Variants in PAPSS1 observed in about 807,000 individuals in gnomAD.
The protein encoded by PAPSS1 is 3'-phosphoadenosine 5'-phosphosulfate synthase 1.
In PAPSS1, 50 loss-of-function variants were observed where a neutral mutation model predicts 72.0. That is an observed-to-expected ratio of 0.69 (90% confidence interval 0.55 to 0.88). The LOEUF is 0.88. Among genes scored for constraint, PAPSS1 ranks in the 40% least tolerant of loss-of-function variants. PAPSS1 has a pLI of 0.00. For missense variants in PAPSS1, 657 were observed against 782.2 expected (o/e 0.84, Z 1.91); for synonymous variants, 261 against 263.6 (o/e 0.99, Z 0.09).
intron 11 of PAPSS1, 108 bp downstream of exon 11, chr4:107,631,523 A>G (rs2110302277): frequency 1.4e-6 from 1 of 704,404 alleles, no homozygotes; most frequent in South Asian, 2.1e-5. Context: ...CTCTGACATG[A>G]GTACCACAAA....
chr4:107,676,197 G>A (rs1727639537), intron 5 of PAPSS1, among the ~76,000 whole-genome samples: 1 of 152,134 alleles, frequency 6.6e-6, no homozygotes, highest in Admixed American at 6.5e-5. Context: ...AATCAGGCAG[G>A]AGAAGGAAAT....
chr4:107,677,817 A>G (rs536262554), intron 5 of PAPSS1, among the ~76,000 whole-genome samples: 2 of 152,382 alleles, frequency 1.3e-5, no homozygotes, highest in African/African-American at 4.8e-5. Flanking sequence ...CTGGATTAAG[A>G]AAATGTGGCA....
chr4:107,689,772 C>G (rs763543225), intron 3 of PAPSS1, among the ~76,000 whole-genome samples: 6 of 152,150 alleles, frequency 3.9e-5, no homozygotes, highest in Non-Finnish European at 8.8e-5. Flanking sequence ...AAACCAATTT[C>G]CTAGATGGCC....
chr4:107,643,791 C>G (rs907830369), intron 10 of PAPSS1, among the ~76,000 whole-genome samples: 10 of 152,078 alleles, frequency 6.6e-5, no homozygotes, highest in Non-Finnish European at 1.5e-4. Flanking sequence ...TTACTTGCAT[C>G]TATGAAAGAT....
At chr4:107,646,628 CCA>C (rs57424076) in intron 9 of PAPSS1, among the ~76,000 whole-genome samples, 34,031 of 151,932 alleles carry the variant, frequency 0.22, 3,836 homozygotes, top group East Asian at 0.37. Flanking sequence ...ATCTGACAGA[CCA>C]CAGTCTACAC....
At chr4:107,692,752 T>C (rs1458686380) in intron 3 of PAPSS1, among the ~76,000 whole-genome samples, 1 of 151,298 alleles carries the variant, frequency 6.6e-6, no homozygotes, top group Non-Finnish European at 1.5e-5. Context: ...CCATCAACGA[T>C]AGACTGGATA....
Position 107,631,711 on chromosome 4 carries a change from T to G in PAPSS1, c.1656A>C (p.Leu552Phe), listed in dbSNP as rs747975258. 6.2e-7 allele frequency: 1 copy of G among 1,614,140 alleles called. No individual in the cohort carries two copies. The highest frequency in any genetic ancestry group is 1.1e-5 in the South Asian group (1 of 91,080). The change falls in exon 11 of 12, where the codon TTA becomes TTC. Residue 552 changes from leucine (L) to phenylalanine (F), a missense_variant. Transcript: ENST00000265174. Reference protein sequence around the residue: ...GAKVLTMAPGLITLEIVPFRV... With the variant: ...GAKVLTMAPGFITLEIVPFRV... ...GAAAGGGAACTATTTCCAAAGTGAT[T>G]AAACCAGGGGCCATCGTCAGCACTT...
chr4:107,616,159 GAAGA>G (rs1378856496), intron 11 of PAPSS1, among the ~76,000 whole-genome samples: 1 of 151,458 alleles, frequency 6.6e-6, no homozygotes, highest in Non-Finnish European at 1.5e-5. Context: ...AAAAAAAAAA[GAAGA>G]AATATGCCCA....
intron 1 of PAPSS1, among the ~76,000 whole-genome samples, chr4:107,714,409 C>G (rs1435139913): frequency 6.6e-6 from 1 of 152,114 alleles, no homozygotes; most frequent in South Asian, 2.1e-4. Context: ...TCTCTACTAC[C>G]GCTTAACACC....
intron 7 of PAPSS1, 107 bp downstream of exon 7, chr4:107,656,789 C>T (rs571409100): frequency 4.1e-6 from 3 of 734,882 alleles, no homozygotes; most frequent in Admixed American, 4.4e-5. Context: ...ATAATGCTAC[C>T]TCTATTAAGA....
chr4:107,688,538 C>T lies in PAPSS1; in HGVS notation c.412-1361G>A, dbSNP rs146593851. ...TAGGTCCTTTTCAGTATTTAAAATA[C>T]CAGGCCTCTTTGCTGCTTTCCCACT... On this transcript the variant is annotated intron_variant, in intron 3 of 11. Transcript: ENST00000265174. Among the ~76,000 whole-genome samples the T allele has an allele frequency of 7.1e-3, 1,083 of 152,240 alleles. 14 individuals are homozygous for T. Among genetic ancestry groups the T allele is most frequent in the African/African-American group, 0.025 (1,040 of 41,536 alleles).
intron 8 of PAPSS1, 34 bp from the exon 9 acceptor site, chr4:107,653,660 C>A (rs184761750): frequency 1.0e-5 from 16 of 1,589,364 alleles, no homozygotes; most frequent in Non-Finnish European, 1.4e-5. Context: ...TAATGGAAAC[C>A]GAGATCAAAA....
Position 107,716,412 on chromosome 4 carries a change from A to C in PAPSS1, c.60+3708T>G, listed in dbSNP as rs886486743. On this transcript the variant is annotated intron_variant, in intron 1 of 11. Coordinates refer to ENST00000265174, the MANE Select transcript of PAPSS1 (RefSeq NM_005443.5). Reference sequence around the variant, plus strand: ...ACAGAAAGTTGGGCTGGAGCTATGGAAATTCAGGGAGTTGTGAAAGGTGAA... The same window carrying C: ...ACAGAAAGTTGGGCTGGAGCTATGGCAATTCAGGGAGTTGTGAAAGGTGAA... Among the ~76,000 whole-genome samples the C allele has an allele frequency of 3.8e-4, 58 of 152,202 alleles. 1 individual carries two copies. Among genetic ancestry groups the C allele is most frequent in the Non-Finnish European group, 8.8e-5 (6 of 68,034 alleles).
At chr4:107,716,907 T>C (rs1578443122) in intron 1 of PAPSS1, among the ~76,000 whole-genome samples, 1 of 152,202 alleles carries the variant, frequency 6.6e-6, no homozygotes, top group African/African-American at 2.4e-5. Flanking sequence ...CAGGAGCTAT[T>C]ATCCAAAGCT....
rs775100044 is a variant in PAPSS1, at chr4:107,614,374, C to A, written c.1750G>T (p.Glu584Ter). 1 of 1,613,156 alleles carries A rather than the reference C, an allele frequency of 6.2e-7. No individual in the cohort carries two copies. ...CGCATTCGTGTTCCTGAAATAAATT[C>A]AAAGTCTTCATGGCTAAAGGAGAGG... ...YYDSEHHEDF[E>*]FISGTRMRKL... is the part of the protein sequence containing the mutation. Residue 584 changes from glutamate to a stop codon, truncating the protein, a stop_gained, in exon 12 of 12, where the codon GAA becomes TAA. Transcript: ENST00000265174. LOFTEE classifies it high-confidence loss of function.
At chr4:107,719,833 G>A in intron 1 of PAPSS1, 1 of 1,290,496 alleles carries the variant, frequency 7.7e-7, no homozygotes, top group Non-Finnish European at 9.8e-7. Flanking sequence ...GATTTTCCTG[G>A]GGGTCTTACC....
intron 1 of PAPSS1, among the ~76,000 whole-genome samples, chr4:107,716,692 A>AT (rs3840298): frequency 0.28 from 43,328 of 152,074 alleles, 7,214 homozygotes; most frequent in East Asian, 0.46. Context: ...AATGATATTC[A>AT]TTATATCTGA....
intron 11 of PAPSS1, among the ~76,000 whole-genome samples, chr4:107,619,572 T>C (rs532525089): frequency 6.6e-6 from 1 of 150,918 alleles, no homozygotes; most frequent in East Asian, 1.9e-4. Context: ...ATAACTAAAT[T>C]TAAAAAAAAA....
At chr4:107,679,871 A>C (rs1476722633) in intron 5 of PAPSS1, among the ~76,000 whole-genome samples, 1 of 152,156 alleles carries the variant, frequency 6.6e-6, no homozygotes, top group Non-Finnish European at 1.5e-5. Flanking sequence ...GGAGAATTTC[A>C]ACAGAAAAAT....
Sources: allele counts gnomAD v4.1 joint callset (sites outside exome capture counted in the v4.1 genomes callset), GRCh38; gene constraint gnomAD v4.1.1; transcripts MANE v1.5; gene names NCBI Gene and HGNC (gene_info 2026-07-23, HGNC 2026-07-21).